The following SNX13 variants were observed in gnomAD, a reference collection of about 807,000 sequenced individuals.
SNX13 encodes sorting nexin 13.
A neutral mutation model predicts 133.6 loss-of-function variants in SNX13; 45 were observed. That is an observed-to-expected ratio of 0.34 (90% CI 0.27 to 0.43). The LOEUF is 0.43. Ranked by LOEUF, SNX13 falls within the 20% of genes least tolerant of loss-of-function variation. SNX13 has a pLI of 1.00. For missense variants in SNX13, 1,032 were observed against 1,145.1 expected (o/e 0.90, Z 1.43); for synonymous variants, 414 against 373.9 (o/e 1.11, Z -1.24).
At chr7:17,917,417 A>G (rs78686616) in intron 1 of SNX13, among the ~76,000 whole-genome samples, 2,763 of 152,280 alleles carry the variant, frequency 0.018, 96 homozygotes, top group East Asian at 0.14. Flanking sequence ...AACTCTAAAG[A>G]TTCTGCCAAA....
chr7:17,794,083 G>A lies in SNX13; in HGVS notation c.2836C>T (p.Leu946Phe), dbSNP rs751123802. The part of the protein sequence containing the change: ...SKQMQKYKQK[L>F]QTTQAPSLQK... Reference sequence around the variant, plus strand: ...AAAGAAGGCGCTTGAGTAGTTTGAAGTTTCTGTTTATATTTCTGCATCTGC... The same window carrying A: ...AAAGAAGGCGCTTGAGTAGTTTGAAATTTCTGTTTATATTTCTGCATCTGC... The change falls in exon 26 of 26, where the codon CTT becomes TTT. Residue 946 changes from leucine to phenylalanine, a missense_variant. Coordinates refer to ENST00000428135, the MANE Select transcript of SNX13 (RefSeq NM_015132.5). 1.9e-6 allele frequency: 3 copies of A among 1,611,382 alleles called. No individual in the cohort carries two copies. In the African/African-American group the frequency reaches 4.0e-5, roughly 22 times the overall value.
intron 18 of SNX13, among the ~76,000 whole-genome samples, chr7:17,818,028 T>C (rs1000393620): frequency 1.3e-5 from 2 of 152,080 alleles, no homozygotes; most frequent in African/African-American, 4.8e-5. Flanking sequence ...CTGACTGGTA[T>C]CCTATCAGAA....
chr7:17,920,941 T>A (rs1157396652), intron 1 of SNX13, among the ~76,000 whole-genome samples: 1 of 152,184 alleles, frequency 6.6e-6, no homozygotes, highest in Non-Finnish European at 1.5e-5. Flanking sequence ...TGCCATCATT[T>A]GGTGCAGCAG....
intron 1 of SNX13, among the ~76,000 whole-genome samples, chr7:17,939,232 C>T (rs893004687): frequency 6.6e-6 from 1 of 152,126 alleles, no homozygotes; most frequent in Admixed American, 6.5e-5. Flanking sequence ...CCTTTTTGGC[C>T]CATGTAGGAA....
intron 5 of SNX13, among the ~76,000 whole-genome samples, chr7:17,877,945 C>G (rs1271582703): frequency 6.6e-6 from 1 of 151,786 alleles, no homozygotes; most frequent in Non-Finnish European, 1.5e-5. Flanking sequence ...ACACTTCTTC[C>G]CATTTATAAA....
At chr7:17,818,174 T>G (rs1786882989) in intron 18 of SNX13, among the ~76,000 whole-genome samples, 1 of 152,204 alleles carries the variant, frequency 6.6e-6, no homozygotes, top group South Asian at 2.1e-4. Flanking sequence ...GTCAATACCT[T>G]GATCTTTGAT....
intron 5 of SNX13, among the ~76,000 whole-genome samples, chr7:17,879,209 G>C (rs976282159): frequency 4.6e-5 from 7 of 152,052 alleles, no homozygotes; most frequent in Admixed American, 1.3e-4. Flanking sequence ...CATTTTGTTT[G>C]TTCTTTTTCA....
intron 1 of SNX13, among the ~76,000 whole-genome samples, chr7:17,922,894 CTG>C (rs1800288031): frequency 2.0e-5 from 3 of 152,120 alleles, no homozygotes; most frequent in Non-Finnish European, 4.4e-5. Context: ...GACATGCAGA[CTG>C]TTTTTAAAAT....
chr7:17,821,716 GAC>G (rs1353916014), intron 17 of SNX13, 68 bp from the exon 18 acceptor site: 5 of 1,493,696 alleles, frequency 3.3e-6, no homozygotes, highest in Non-Finnish European at 3.6e-6. Context: ...AGGAACGAAA[GAC>G]ACAAAAAAGG....
chr7:17,863,479 T>G (rs1792993506), intron 9 of SNX13, among the ~76,000 whole-genome samples: 1 of 152,120 alleles, frequency 6.6e-6, no homozygotes, highest in African/African-American at 2.4e-5. Context: ...AGGTAACAGC[T>G]CAGCCGCAGT....
At chr7:17,821,361 C>G in intron 18 of SNX13, 148 bp downstream of exon 18, 1 of 684,238 alleles carries the variant, frequency 1.5e-6, no homozygotes, top group Non-Finnish European at 2.4e-6. Context: ...GTTAAATGCT[C>G]AGATTAATTC....
At position 17,805,038 on chromosome 7, in the gene SNX13, T is replaced by C. The variant is rs547425985; in HGVS notation, c.2065-1458A>G. Among the ~76,000 whole-genome samples the C allele has an allele frequency of 7.2e-5, 11 of 152,300 alleles. No homozygotes were observed. The East Asian group carries it at 1.4e-3, about 19-fold the overall frequency. On this transcript the variant is annotated intron_variant, in intron 20 of 25. Coordinates refer to ENST00000428135, the MANE Select transcript of SNX13 (RefSeq NM_015132.5). ...GGCTTAAGCTCAGCCAATAGTACCATAGATATGCTTGACGGAACATCCAAC... is the reference window on the plus strand; with the variant it reads ...GGCTTAAGCTCAGCCAATAGTACCACAGATATGCTTGACGGAACATCCAAC...
intron 8 of SNX13, among the ~76,000 whole-genome samples, chr7:17,871,747 TC>T (rs1368676143): frequency 1.3e-5 from 2 of 152,194 alleles, no homozygotes; most frequent in Non-Finnish European, 2.9e-5. Context: ...TTGAGTTCGG[TC>T]CTAAACCGAG....
At chr7:17,835,451 A>T (rs959363504) in intron 13 of SNX13, among the ~76,000 whole-genome samples, 1 of 151,972 alleles carries the variant, frequency 6.6e-6, no homozygotes, top group Admixed American at 6.6e-5. Context: ...AAAAGTCTTA[A>T]AATTAATTTG....
intron 5 of SNX13, chr7:17,882,116 AG>A (rs1795418011): frequency 6.6e-6 from 1 of 152,208 alleles, no homozygotes; most frequent in South Asian, 2.1e-4. Flanking sequence ...GAGCTAAATT[AG>A]CAACCACACA....
At position 17,814,944 on chromosome 7, in the gene SNX13, A is replaced by T; in HGVS notation, c.1954T>A (p.Leu652Ile). The T allele has an allele frequency of 1.4e-6, 2 of 1,408,316 alleles. No homozygotes were observed. The highest frequency in any genetic ancestry group is 6.0e-5 in the East Asian group (2 of 33,122). The allele number at this position is 1,408,316 out of a possible 1,614,324, so 87.2% of individuals were successfully genotyped here. A position where few individuals can be genotyped will look rare whatever the true frequency, so the allele number is the denominator to read the frequency against. The change falls in exon 20 of 26, where the codon TTA (leucine) becomes ATA (isoleucine). Residue 652 changes from leucine to isoleucine, a missense_variant and splice_region_variant. Leu to Ile is a conservative substitution (Grantham distance 5, BLOSUM62 2). Transcript: ENST00000428135. ...TTCATCATTTCAGGAGCTAACAGTA[A>T]CTAACAAGAAAAAAAAAAAAAAGAA... ...RKKDLNAYLQ[L>I]LLAPEMMKAS...
At chr7:17,830,748 A>T (rs915953172) in intron 15 of SNX13, 2 of 978,114 alleles carry the variant, frequency 2.0e-6, no homozygotes, top group African/African-American at 3.5e-5. Flanking sequence ...TAAGTTACCA[A>T]TTAAGGTGTT....
intron 9 of SNX13, among the ~76,000 whole-genome samples, chr7:17,859,997 CT>C (rs1792449871): frequency 1.3e-5 from 2 of 152,212 alleles, no homozygotes; most frequent in South Asian, 4.1e-4. Context: ...GTTTTCAATT[CT>C]TTTGGATAGA....
rs561519238 is a variant in SNX13, at chr7:17,908,677, G to A, written c.13-11231C>T. ...CTAAACATTTACTGAAGTCTATCAT[G>A]TGCCTAGGATAGTAAGGTTCTGCAA... On this transcript the variant is annotated intron_variant, in intron 1 of 25. Transcript: ENST00000428135. Among the ~76,000 whole-genome samples the A allele has an allele frequency of 4.6e-5, 7 of 152,254 alleles. No homozygotes were observed. The South Asian group carries it at 1.4e-3, about 32-fold the overall frequency.
Sources: gnomAD v4.1 joint callset for allele counts (sites outside exome capture counted in the v4.1 genomes callset) on GRCh38, gnomAD v4.1.1 for gene constraint, MANE v1.5 for transcripts, NCBI Gene and HGNC (gene_info 2026-07-23, HGNC 2026-07-21) for gene names.